NECTIN1: variants seen among roughly 807,000 people sequenced by gnomAD.
NECTIN1 encodes the protein nectin-1.
Under a neutral mutation model 48.0 loss-of-function variants are expected in NECTIN1, and 23 were observed. The ratio of observed to expected loss-of-function variants is 0.48; its 90% CI spans 0.34 to 0.68. The LOEUF (loss-of-function observed/expected upper bound fraction) is 0.68. Ranked by LOEUF, NECTIN1 falls within the 30% of genes least tolerant of loss-of-function variation. The pLI is 0.01. For synonymous variants in NECTIN1, 270 were observed against 288.9 expected (o/e 0.93, Z 0.66); for missense variants, 591 against 709.9 (o/e 0.83, Z 1.90).
intron 1 of NECTIN1, among the ~76,000 whole-genome samples, chr11:119,708,763 G>C (rs1865589025): frequency 1.3e-5 from 2 of 152,140 alleles, no homozygotes; most frequent in South Asian, 4.1e-4. Flanking sequence ...TTTGTGGTTT[G>C]CGAATTATAT....
rs2134353485 is a variant in NECTIN1, at chr11:119,728,706, G to T, written c.-153C>A. On this transcript the variant is annotated 5_prime_UTR_variant, in exon 1 of 6. Transcript: ENST00000264025. ...CCGTCGGCCGGGGCGGGGTGGGCTG[G>T]GTGGGATCCGCGCGGCCGCAGTCCG... 2 of 448,306 alleles carry T rather than the reference G, an allele frequency of 4.5e-6. 1 individual carries two copies. The highest frequency in any genetic ancestry group is 7.4e-5 in the East Asian group (2 of 27,094). The allele number at this position is 448,306 out of a possible 1,614,324, so 27.8% of individuals were successfully genotyped here. A position where few individuals can be genotyped will look rare whatever the true frequency, so the allele number is the denominator to read the frequency against.
At chr11:119,691,333 G>T (rs1463404781) in intron 1 of NECTIN1, among the ~76,000 whole-genome samples, 1 of 152,220 alleles carries the variant, frequency 6.6e-6, no homozygotes, top group African/African-American at 2.4e-5. Context: ...CCAGCTTGGG[G>T]TCACCCTGGA....
At position 119,683,754 on chromosome 11, in the gene NECTIN1, T is replaced by C. The variant is rs576074521; in HGVS notation, c.80-4989A>G. Among the ~76,000 whole-genome samples, 6 of 152,078 alleles carry C rather than the reference T, an allele frequency of 3.9e-5. No homozygotes were observed. The East Asian group carries it at 9.7e-4, about 25-fold the overall frequency. On this transcript the variant is annotated intron_variant, in intron 1 of 5. Transcript: ENST00000264025. The surrounding 1 kb of genome is among the most constrained non-coding windows in gnomAD (Gnocchi z 4.0). Reference sequence around the variant, plus strand: ...ATCAAAAGAATCAGTCTTTTTTTTTTTCCTGAACTCAAGCACTGCCTATAT... The same window carrying C: ...ATCAAAAGAATCAGTCTTTTTTTTTCTCCTGAACTCAAGCACTGCCTATAT...
chr11:119,724,640 T>G (rs1591492207), intron 1 of NECTIN1, among the ~76,000 whole-genome samples: 1 of 152,342 alleles, frequency 6.6e-6, no homozygotes, highest in East Asian at 1.9e-4. Flanking sequence ...GTCAGTTATA[T>G]GTGAATATAC....
chr11:119,699,436 G>A (rs544362995), intron 1 of NECTIN1, among the ~76,000 whole-genome samples: 2 of 152,116 alleles, frequency 1.3e-5, no homozygotes, highest in Non-Finnish European at 1.5e-5. Context: ...TCCCCAGGCC[G>A]GCCACACCCA....
intron 1 of NECTIN1, among the ~76,000 whole-genome samples, chr11:119,714,802 G>A (rs1465202351): frequency 6.6e-6 from 1 of 152,176 alleles, no homozygotes; most frequent in Non-Finnish European, 1.5e-5. Flanking sequence ...GAAGCTTGGA[G>A]GGCCCACCCA....
chr11:119,667,317 A>T (rs1400693451), intron 5 of NECTIN1, among the ~76,000 whole-genome samples: 2 of 152,020 alleles, frequency 1.3e-5, no homozygotes, highest in Non-Finnish European at 2.9e-5. Flanking sequence ...GATCTGAATG[A>T]TCTCTCCTGT....
At chr11:119,717,556 A>G (rs1865763637) in intron 1 of NECTIN1, among the ~76,000 whole-genome samples, 1 of 152,154 alleles carries the variant, frequency 6.6e-6, no homozygotes, top group African/African-American at 2.4e-5. Context: ...CGATAAAATA[A>G]TCCAGTGCAG....
chr11:119,720,267 T>G (rs1865805619), intron 1 of NECTIN1, among the ~76,000 whole-genome samples: 1 of 152,250 alleles, frequency 6.6e-6, no homozygotes, highest in Non-Finnish European at 1.5e-5. Context: ...ACGCGGGGAC[T>G]GAGGGAGAAG....
At chr11:119,707,362 C>T (rs922800900) in intron 1 of NECTIN1, among the ~76,000 whole-genome samples, 7 of 152,212 alleles carry the variant, frequency 4.6e-5, no homozygotes, top group Non-Finnish European at 5.9e-5. Flanking sequence ...TCACCCTACC[C>T]TGTACCCACC....
Position 119,704,031 on chromosome 11 carries a change from C to T in NECTIN1, c.79+24444G>A, listed in dbSNP as rs200184696. ...CCTCTTCTCCAAGACAATGGTTCCT[C>T]CTGGCAAATCTCCCCAGCTTTACCC... On this transcript the variant is annotated intron_variant, in intron 1 of 5. Transcript: ENST00000264025. 4.6e-5 allele frequency among the ~76,000 whole-genome samples: 7 copies of T among 152,258 alleles called. No individual in the cohort carries two copies. In the East Asian group the frequency reaches 1.4e-3, roughly 29 times the overall value.
intron 1 of NECTIN1, among the ~76,000 whole-genome samples, chr11:119,689,342 G>A (rs1226085754): frequency 2.0e-5 from 3 of 152,168 alleles, no homozygotes; most frequent in Non-Finnish European, 4.4e-5. Flanking sequence ...ATGTGCACAC[G>A]CACCTTCCCT....
intron 1 of NECTIN1, among the ~76,000 whole-genome samples, chr11:119,698,611 CCTG>C (rs2135568605): frequency 6.6e-6 from 1 of 152,284 alleles, no homozygotes; most frequent in African/African-American, 2.4e-5. Flanking sequence ...GGTGGACAGA[CCTG>C]GGGCTGGGCT....
chr11:119,660,531 C>T (rs1034217724), downstream of NECTIN1, among the ~76,000 whole-genome samples: 3 of 152,088 alleles, frequency 2.0e-5, no homozygotes, highest in Non-Finnish European at 2.9e-5. Context: ...ACACGGCAGG[C>T]GTGACACTGC....
At chr11:119,679,913 C>G (rs1865028758) in intron 1 of NECTIN1, among the ~76,000 whole-genome samples, 1 of 152,226 alleles carries the variant, frequency 6.6e-6, no homozygotes, top group Non-Finnish European at 1.5e-5. Context: ...CTGGCCACCT[C>G]TACCTTGGTT....
intron 5 of NECTIN1, among the ~76,000 whole-genome samples, chr11:119,648,263 T>TGGTG (rs1565376357): frequency 2.2e-5 from 1 of 44,740 alleles, no homozygotes; most frequent in Non-Finnish European, 5.0e-5. Flanking sequence ...GAGGTGGTAA[T>TGGTG]AGTGGTGGTG....
At chr11:119,718,421 C>A (rs1865778807) in intron 1 of NECTIN1, among the ~76,000 whole-genome samples, 1 of 152,234 alleles carries the variant, frequency 6.6e-6, no homozygotes, top group Admixed American at 6.5e-5. Flanking sequence ...GCAGCCGGCC[C>A]AGGAGAACAC....
intron 5 of NECTIN1, chr11:119,640,962 T>G (rs912737150): frequency 1.1e-4 from 16 of 152,256 alleles, no homozygotes; most frequent in Admixed American, 1.0e-3. Flanking sequence ...CAGTTTGCAG[T>G]AAACATCATG....
intron 5 of NECTIN1, 112 bp downstream of exon 5, chr11:119,675,046 AG>A: frequency 7.7e-7 from 1 of 1,294,200 alleles, no homozygotes; most frequent in Non-Finnish European, 1.1e-6. Context: ...GGAGAACTAG[AG>A]AAGCAGGAAA....
Sources: gnomAD v4.1 joint callset for allele counts (sites outside exome capture counted in the v4.1 genomes callset) on GRCh38, gnomAD v4.1.1 for gene constraint, Gnocchi (gnomAD v3.1) non-coding constraint, MANE v1.5 for transcripts, NCBI Gene and HGNC (gene_info 2026-07-23, HGNC 2026-07-21) for gene names.